Variants in PDSS2 observed in about 807,000 individuals in gnomAD.
PDSS2 encodes the protein all trans-polyprenyl-diphosphate synthase PDSS2.
A neutral mutation model predicts 44.5 loss-of-function variants in PDSS2; 31 were observed. That is an observed-to-expected ratio of 0.70 (90% CI 0.52 to 0.94). PDSS2 has a LOEUF of 0.94. Among genes scored for constraint, PDSS2 ranks in the 40% least tolerant of loss-of-function variants. The pLI, the probability that PDSS2 is intolerant of heterozygous loss-of-function variation, is 0.00. For missense variants in PDSS2, 452 were observed against 482.2 expected, an observed-to-expected ratio of 0.94 and a Z score of 0.59; for synonymous variants, 157 against 180.3, an observed-to-expected ratio of 0.87 and a Z score of 1.03.
intron 1 of PDSS2, among the ~76,000 whole-genome samples, chr6:107,336,052 C>T (rs1319087503): frequency 1.3e-5 from 2 of 150,774 alleles, no homozygotes; most frequent in Admixed American, 6.6e-5. Flanking sequence ...GTCAGGGGTT[C>T]GAGACCAGCC....
chr6:107,370,902 C>G (rs1354906922), intron 1 of PDSS2, among the ~76,000 whole-genome samples: 2 of 151,974 alleles, frequency 1.3e-5, no homozygotes, highest in African/African-American at 4.8e-5. Context: ...AAATGTCAAC[C>G]GGCCAGGAGC....
At chr6:107,206,273 T>C (rs1772974271) in intron 6 of PDSS2, among the ~76,000 whole-genome samples, 1 of 152,154 alleles carries the variant, frequency 6.6e-6, no homozygotes, top group Non-Finnish European at 1.5e-5. Context: ...GGTTTCACCA[T>C]GTTGGACAGG....
intron 3 of PDSS2, chr6:107,264,468 G>GTC (rs1775347263): frequency 6.5e-7 from 1 of 1,549,084 alleles, no homozygotes. Flanking sequence ...CTGACTCACA[G>GTC]TCTCCCATCT....
In PDSS2 at chr6:107,351,070, TA is replaced by T. The variant is rs201358307; in HGVS notation, c.297-16739del. On this transcript the variant is annotated intron_variant, in intron 1 of 7. Coordinates refer to ENST00000369037, the MANE Select transcript of PDSS2 (RefSeq NM_020381.4). ...AAAATTGTTTCCACCACATTAAAAGTAAAAAAAAAAATTGATAAAAGTAATG... is the reference window on the plus strand; with the variant it reads ...AAAATTGTTTCCACCACATTAAAAGTAAAAAAAAAATTGATAAAAGTAATG... Among the ~76,000 whole-genome samples, 558 of 147,698 alleles carry T rather than the reference TA, an allele frequency of 3.8e-3. 15 individuals carry two copies. In the East Asian group the frequency reaches 0.075, roughly 20 times the overall value.
chr6:107,177,773 T>C (rs1484578422), intron 7 of PDSS2, among the ~76,000 whole-genome samples: 4 of 152,198 alleles, frequency 2.6e-5, no homozygotes, highest in Admixed American at 2.0e-4. Context: ...GGCTGTAGAC[T>C]GCAGCAATGA....
chr6:107,238,134 T>C (rs9486567), intron 4 of PDSS2, among the ~76,000 whole-genome samples: 25,843 of 152,054 alleles, frequency 0.17, 2,371 homozygotes, highest in South Asian at 0.23. Context: ...TTCCTGAGAC[T>C]GAGGCCAAGC....
intron 1 of PDSS2, among the ~76,000 whole-genome samples, chr6:107,431,982 A>T (rs1224329531): frequency 6.6e-6 from 1 of 152,240 alleles, no homozygotes; most frequent in Non-Finnish European, 1.5e-5. Flanking sequence ...TATCTACAGC[A>T]TCATACAGAA....
intron 2 of PDSS2, among the ~76,000 whole-genome samples, chr6:107,275,792 G>GC (rs1257568095): frequency 6.6e-6 from 1 of 152,084 alleles, no homozygotes; most frequent in Non-Finnish European, 1.5e-5. Context: ...AAGCTACTCA[G>GC]CTGCAAGTAT....
intron 1 of PDSS2, among the ~76,000 whole-genome samples, chr6:107,380,869 G>A (rs1779434222): frequency 6.6e-6 from 1 of 152,130 alleles, no homozygotes; most frequent in Non-Finnish European, 1.5e-5. Context: ...ACATGTGACA[G>A]GAGAAACTGG....
intron 1 of PDSS2, among the ~76,000 whole-genome samples, chr6:107,337,086 T>C (rs1777929366): frequency 1.4e-5 from 2 of 146,624 alleles, no homozygotes; most frequent in African/African-American, 5.1e-5. Flanking sequence ...CAAATAATAA[T>C]AATAGCAGCA....
chr6:107,248,001 G>A (rs1344421117), intron 3 of PDSS2, among the ~76,000 whole-genome samples: 2 of 151,346 alleles, frequency 1.3e-5, no homozygotes, highest in African/African-American at 4.9e-5. Flanking sequence ...CAGTTTGGGC[G>A]ACAAGAGCGA....
intron 2 of PDSS2, among the ~76,000 whole-genome samples, chr6:107,294,931 C>G (rs756830380): frequency 2.6e-5 from 4 of 151,940 alleles, no homozygotes; most frequent in Non-Finnish European, 5.9e-5. Context: ...GGGTTCTGTT[C>G]TTTTTTTCTT....
At chr6:107,251,762 C>G (rs777362656) in intron 3 of PDSS2, among the ~76,000 whole-genome samples, 8 of 152,072 alleles carry the variant, frequency 5.3e-5, no homozygotes, top group Non-Finnish European at 7.4e-5. Flanking sequence ...AAATATCTTA[C>G]AGAAAAATAC....
chr6:107,331,080 T>C (rs1339262145), intron 2 of PDSS2, among the ~76,000 whole-genome samples: 1 of 152,096 alleles, frequency 6.6e-6, no homozygotes. Flanking sequence ...ATCCCAGTAG[T>C]TTGGAGGTGA....
chr6:107,230,645 C>T (rs1201124725), intron 4 of PDSS2, among the ~76,000 whole-genome samples: 2 of 151,978 alleles, frequency 1.3e-5, no homozygotes, highest in African/African-American at 4.8e-5. Context: ...GGGTCTCTCA[C>T]TCTTCCTGGA....
chr6:107,348,672 T>C (rs921188547), intron 1 of PDSS2, among the ~76,000 whole-genome samples: 12 of 152,226 alleles, frequency 7.9e-5, no homozygotes, highest in Admixed American at 2.6e-4. Context: ...AACTGAAATG[T>C]TTCCATCAGT....
chr6:107,384,771 C>T (rs1201239465), intron 1 of PDSS2, among the ~76,000 whole-genome samples: 1 of 152,154 alleles, frequency 6.6e-6, no homozygotes, highest in Non-Finnish European at 1.5e-5. Flanking sequence ...CACACTCACA[C>T]TCACACAACT....
chr6:107,351,913 A>G (rs1163150056), intron 1 of PDSS2, among the ~76,000 whole-genome samples: 3 of 152,204 alleles, frequency 2.0e-5, no homozygotes, highest in Admixed American at 6.5e-5. Flanking sequence ...CTATCAGATG[A>G]TGGAAAAATA....
At chr6:107,274,813 C>A (rs1582879671) in intron 2 of PDSS2, among the ~76,000 whole-genome samples, 1 of 152,006 alleles carries the variant, frequency 6.6e-6, no homozygotes, top group East Asian at 1.9e-4. Context: ...GCTGGGACTA[C>A]AGGTGTGCGA....
Sources: allele counts gnomAD v4.1 joint callset (sites outside exome capture counted in the v4.1 genomes callset), GRCh38; gene constraint gnomAD v4.1.1; transcripts MANE v1.5; gene names NCBI Gene and HGNC (gene_info 2026-07-23, HGNC 2026-07-21).